ARHGAP6: variants seen among roughly 807,000 people sequenced by gnomAD.
ARHGAP6 encodes the protein rho GTPase-activating protein 6.
ARHGAP6 carries 16 observed loss-of-function variants against 55.7 expected under a neutral mutation model. The observed-to-expected ratio is 0.29, with a 90% CI of 0.19 to 0.44. The LOEUF is 0.44. ARHGAP6 is among the 20% of genes least tolerant of loss of function. The pLI is 1.00. For missense variants in ARHGAP6, 698 were observed against 808.9 expected, an observed-to-expected ratio of 0.86 and a Z score of 1.66; for synonymous variants, 382 against 360.9, an observed-to-expected ratio of 1.06 and a Z score of -0.66.
intron 1 of ARHGAP6, among the ~76,000 whole-genome samples, chrX:11,404,220 C>G (rs1050915819): frequency 4.5e-5 from 5 of 111,083 alleles, no homozygotes; most frequent in Non-Finnish European, 9.4e-5. Flanking sequence ...CTGTCTTGTC[C>G]CCCTACCATT....
chrX:11,209,170 C>G (rs1455660569), intron 2 of ARHGAP6, among the ~76,000 whole-genome samples: 1 of 112,294 alleles, frequency 8.9e-6, no homozygotes, highest in African/African-American at 3.2e-5. Context: ...GAGACAGAGT[C>G]TCACTCTGTT....
At chrX:11,615,589 G>A (rs765481932) in intron 1 of ARHGAP6, among the ~76,000 whole-genome samples, 1 of 111,939 alleles carries the variant, frequency 8.9e-6, no homozygotes, top group Admixed American at 9.5e-5. Flanking sequence ...ACTCCCATGA[G>A]CACCCACAGA....
intron 1 of ARHGAP6, among the ~76,000 whole-genome samples, chrX:11,434,162 G>A (rs373894314): frequency 6.2e-5 from 7 of 112,059 alleles, no homozygotes; most frequent in African/African-American, 1.6e-4. Flanking sequence ...TGCACAGGAC[G>A]GCCTTCACAA....
At position 11,440,640 on chromosome X, in the gene ARHGAP6, G is replaced by A. The variant is rs757546978; in HGVS notation, c.589-185933C>T. 1.3e-4 allele frequency among the ~76,000 whole-genome samples: 15 copies of A among 111,760 alleles called. 1 individual carries two copies. The highest frequency in any genetic ancestry group is 2.8e-4 in the Non-Finnish European group (15 of 53,149). On this transcript the variant is annotated intron_variant, in intron 1 of 12. Transcript: ENST00000337414. ...AGCTTCCTGTTCGTACCTCTGTTAG[G>A]ATGCTCATCTTGTCTGTTTCCTCCT...
intron 2 of ARHGAP6, among the ~76,000 whole-genome samples, chrX:11,214,911 C>A (rs2046857759): frequency 1.8e-5 from 2 of 113,290 alleles, no homozygotes; most frequent in Admixed American, 1.8e-4. Flanking sequence ...CGGCATGAGG[C>A]CCTTTGGGGA....
At chrX:11,360,738 G>A (rs893205163) in intron 1 of ARHGAP6, among the ~76,000 whole-genome samples, 2 of 111,092 alleles carry the variant, frequency 1.8e-5, no homozygotes, top group Non-Finnish European at 3.8e-5. Flanking sequence ...CAGACGACAC[G>A]ATTGTATATC....
intron 1 of ARHGAP6, among the ~76,000 whole-genome samples, chrX:11,536,821 C>T (rs1011535196): frequency 9.8e-5 from 11 of 112,003 alleles, no homozygotes; most frequent in Non-Finnish European, 1.5e-4. Context: ...ATAAAAAGTA[C>T]GCTTGAACTC....
At chrX:11,500,682 A>AG (rs1253054800) in intron 1 of ARHGAP6, among the ~76,000 whole-genome samples, 1 of 105,885 alleles carries the variant, frequency 9.4e-6, no homozygotes, top group Non-Finnish European at 1.9e-5. Flanking sequence ...AAAAAAAAAA[A>AG]AAGAAGAAGC....
chrX:11,488,922 C>T (rs1260928153), intron 1 of ARHGAP6, among the ~76,000 whole-genome samples: 2 of 111,701 alleles, frequency 1.8e-5, no homozygotes, highest in African/African-American at 3.3e-5. Context: ...CCTCTCTGTC[C>T]AGCTCAACTC....
chrX:11,411,468 T>C (rs1043631271), intron 1 of ARHGAP6, among the ~76,000 whole-genome samples: 1 of 107,963 alleles, frequency 9.3e-6, no homozygotes, highest in South Asian at 4.1e-4. Context: ...GCAACATTTT[T>C]ATCAAATTAT....
At chrX:11,395,231 C>T (rs1485307721) in intron 1 of ARHGAP6, among the ~76,000 whole-genome samples, 1 of 111,765 alleles carries the variant, frequency 8.9e-6, no homozygotes, top group Non-Finnish European at 1.9e-5. Flanking sequence ...AAGGAAGAAG[C>T]CCTCTTCTGA....
chrX:11,417,093 T>TATAC (rs2049760558), intron 1 of ARHGAP6, among the ~76,000 whole-genome samples: 1 of 63,043 alleles, frequency 1.6e-5, no homozygotes, highest in Non-Finnish European at 3.2e-5. Context: ...TATATATATA[T>TATAC]ATATATATAT....
rs181251476 is a variant in ARHGAP6, at chrX:11,296,685, T to C, written c.589-41978A>G. ...CTTCAGTCTCCTTTAATGTGAACAA[T>C]TGCATACTGACTTAATCTCTTCCTC... On this transcript the variant is annotated intron_variant, in intron 1 of 12. Transcript: ENST00000337414. The C allele has an allele frequency of 2.4e-5, 24 of 985,020 alleles. 1 individual carries two copies. The East Asian group carries it at 6.3e-4, about 26-fold the overall frequency. 81.2% of individuals were successfully genotyped at this position (985,020 alleles called of 1,213,427 possible).
At chrX:11,506,337 C>G (rs895695340) in intron 1 of ARHGAP6, among the ~76,000 whole-genome samples, 1 of 110,881 alleles carries the variant, frequency 9.0e-6, no homozygotes, top group Non-Finnish European at 1.9e-5. Context: ...GTTTGCCGCA[C>G]CCATCAACCT....
chrX:11,275,516 C>G (rs1377400447), intron 1 of ARHGAP6, among the ~76,000 whole-genome samples: 1 of 111,679 alleles, frequency 9.0e-6, no homozygotes, highest in African/African-American at 3.3e-5. Context: ...TCATTAAAAA[C>G]TGTCCTTTCC....
chrX:11,277,675 A>C (rs903330866), intron 1 of ARHGAP6, among the ~76,000 whole-genome samples: 1 of 106,053 alleles, frequency 9.4e-6, no homozygotes, highest in African/African-American at 3.5e-5. Context: ...GAGTGTCTTG[A>C]AAAATTTAGA....
intron 1 of ARHGAP6, among the ~76,000 whole-genome samples, chrX:11,633,747 A>G (rs1430688994): frequency 8.9e-6 from 1 of 111,799 alleles, no homozygotes; most frequent in East Asian, 2.8e-4. Context: ...TTTCTGATCT[A>G]TAATGAAGGA....
intron 1 of ARHGAP6, chrX:11,427,815 AGAGGAGGAGGAGGAGGAGGAG>A (rs775959764): frequency 1.9e-4 from 37 of 193,197 alleles, no homozygotes; most frequent in East Asian, 4.1e-4. Context: ...GGGAGGGGGA[AGAGGAGGAGGAGGAGGAGGAG>A]GAGGAGGAGG....
chrX:11,417,163 T>C (rs2049763238), intron 1 of ARHGAP6, among the ~76,000 whole-genome samples: 1 of 97,391 alleles, frequency 1.0e-5, no homozygotes, highest in Admixed American at 1.1e-4. Flanking sequence ...CTCTCTGATC[T>C]CCCTATCAAT....
Sources: allele counts gnomAD v4.1 joint callset (sites outside exome capture counted in the v4.1 genomes callset), GRCh38; gene constraint gnomAD v4.1.1; transcripts MANE v1.5; gene names NCBI Gene and HGNC (gene_info 2026-07-23, HGNC 2026-07-21).